NUDT7: variants seen among roughly 807,000 people sequenced by gnomAD.
NUDT7 encodes nudix hydrolase 7, also known as peroxisomal coenzyme A diphosphatase NUDT7.
In NUDT7, 19 loss-of-function variants were observed where a neutral mutation model predicts 13.1. That is an observed-to-expected ratio of 1.45 (90% confidence interval 1.01 to 2.13). The LOEUF is 2.13. Ranked by LOEUF, NUDT7 falls within the 30% of genes most tolerant of loss-of-function variation. NUDT7 has a pLI of 0.00. For synonymous variants in NUDT7, 132 were observed against 109.7 expected, an observed-to-expected ratio of 1.20 and a Z score of -1.27; for missense variants, 360 against 291.7, an observed-to-expected ratio of 1.23 and a Z score of -1.71.
intron 2 of NUDT7, among the ~76,000 whole-genome samples, chr16:77,734,833 G>A (rs1296061522): frequency 6.6e-6 from 1 of 152,114 alleles, no homozygotes. Context: ...AGAAAGCAGG[G>A]ACAGAGGGAG....
At chr16:77,737,609 C>T (rs1174312160) in intron 3 of NUDT7, among the ~76,000 whole-genome samples, 1 of 152,140 alleles carries the variant, frequency 6.6e-6, no homozygotes, top group African/African-American at 2.4e-5. Flanking sequence ...CCTCAGCCTC[C>T]CCAGTAGCTG....
Position 77,725,582 on chromosome 16 carries a change from A to G in NUDT7, c.187A>G (p.Lys63Glu). ...TTTGTTGTTCACCGTCCGGTCAGAG[A>G]AGGTAGGTGGACAAAAAATTTCCTG... ...LHLLFTVRSE[K>E]LRRAPGEVCF... The change falls in exon 2 of 4, where the codon AAG (lysine) becomes GAG (glutamate). Residue 63 changes from lysine (K) to glutamate (E), a missense_variant and splice_region_variant. Coordinates refer to ENST00000268533, the MANE Select transcript of NUDT7 (RefSeq NM_001105663.3). 6.2e-7 allele frequency: 1 copy of G among 1,613,410 alleles called. No individual in the cohort carries two copies. Among genetic ancestry groups the G allele is most frequent in the Non-Finnish European group, 8.5e-7 (1 of 1,179,782 alleles).
chr16:77,734,130 A>G (rs1490842399), intron 2 of NUDT7, among the ~76,000 whole-genome samples: 1 of 149,626 alleles, frequency 6.7e-6, no homozygotes, highest in Non-Finnish European at 1.5e-5. Flanking sequence ...ATAGATGCCA[A>G]CACAATGCTA....
chr16:77,741,025 T>G (rs1714565303), intron 3 of NUDT7, among the ~76,000 whole-genome samples: 1 of 152,232 alleles, frequency 6.6e-6, no homozygotes, highest in African/African-American at 2.4e-5. Context: ...ATAACTAGTA[T>G]TATATCACTT....
intron 2 of NUDT7, among the ~76,000 whole-genome samples, chr16:77,730,627 A>G (rs2014290340): frequency 6.6e-6 from 1 of 152,174 alleles, no homozygotes; most frequent in Non-Finnish European, 1.5e-5. Context: ...ATATATAACC[A>G]GTAGTGGGAT....
At chr16:77,731,849 G>GA (rs201815141) in intron 2 of NUDT7, among the ~76,000 whole-genome samples, 1,530 of 148,710 alleles carry the variant, frequency 0.01, 20 homozygotes, top group African/African-American at 0.034. Context: ...AGTTTAAAAA[G>GA]AAAAAAAAAT....
chr16:77,734,739 C>A (rs903212628), intron 2 of NUDT7, among the ~76,000 whole-genome samples: 1 of 152,000 alleles, frequency 6.6e-6, no homozygotes, highest in African/African-American at 2.4e-5. Context: ...TACCAATACA[C>A]GTAGAACATG....
chr16:77,742,005 C>T lies in NUDT7; in HGVS notation c.*55C>T, dbSNP rs2086381238. On this transcript the variant is annotated 3_prime_UTR_variant, in exon 4 of 4. Coordinates refer to ENST00000268533, the MANE Select transcript of NUDT7 (RefSeq NM_001105663.3). Reference sequence around the variant, plus strand: ...CACGAGGATTCTGTGTGTGCTTATTCGTAGAACAACAACAATGCCAGCTGT... The same window carrying T: ...CACGAGGATTCTGTGTGTGCTTATTTGTAGAACAACAACAATGCCAGCTGT... The T allele has an allele frequency of 6.6e-7, 1 of 1,507,782 alleles. No individual in the cohort carries two copies. 93.4% of individuals were successfully genotyped at this position (1,507,782 alleles called of 1,614,324 possible).
intron 2 of NUDT7, among the ~76,000 whole-genome samples, chr16:77,730,742 T>G (rs1047874474): frequency 6.6e-6 from 1 of 152,178 alleles, no homozygotes; most frequent in African/African-American, 2.4e-5. Flanking sequence ...TGTGTGATAG[T>G]TCCCTTTTTT....
At chr16:77,737,236 ATTGTATT>A (rs1365056850) in intron 3 of NUDT7, among the ~76,000 whole-genome samples, 1 of 152,066 alleles carries the variant, frequency 6.6e-6, no homozygotes, top group Non-Finnish European at 1.5e-5. Context: ...AAGATACCAT[ATTGTATT>A]TTGTGGTCAT....
Position 77,742,218 on chromosome 16 carries a change from T to A in NUDT7, c.*268T>A, listed in dbSNP as rs945514077. On this transcript the variant is annotated 3_prime_UTR_variant, in exon 4 of 4. Transcript: ENST00000268533. ...TCTTACACATATAATAAAGAATATC[T>A]GGCACATACTAGGCCCTTAATAAAG... is the stretch of plus-strand genomic sequence containing the variant. 33 of 891,728 alleles carry A rather than the reference T, an allele frequency of 3.7e-5. No homozygotes were observed. The highest frequency in any genetic ancestry group is 4.6e-5 in the Non-Finnish European group (32 of 699,138). The allele number at this position is 891,728 out of a possible 1,614,324, so 55.2% of individuals were successfully genotyped here.
intron 3 of NUDT7, among the ~76,000 whole-genome samples, chr16:77,737,051 T>C (rs74026811): frequency 2.1e-5 from 3 of 142,522 alleles, no homozygotes; most frequent in African/African-American, 9.2e-5. Context: ...GAAACTAGAC[T>C]ATAGGAAATT....
intron 3 of NUDT7, among the ~76,000 whole-genome samples, chr16:77,739,993 TC>T (rs2014608902): frequency 1.3e-5 from 2 of 152,186 alleles, no homozygotes; most frequent in Non-Finnish European, 2.9e-5. Flanking sequence ...CTTAACTGTT[TC>T]CCCTGGGAGC....
intron 2 of NUDT7, among the ~76,000 whole-genome samples, chr16:77,735,173 A>G (rs139464790): frequency 4.0e-4 from 61 of 152,104 alleles, no homozygotes; most frequent in African/African-American, 1.4e-3. Context: ...AGCAGTGTCA[A>G]TCTGTGTGTG....
intron 2 of NUDT7, among the ~76,000 whole-genome samples, chr16:77,732,995 GA>G (rs1277783905): frequency 2.0e-5 from 3 of 152,166 alleles, no homozygotes; most frequent in Non-Finnish European, 4.4e-5. Flanking sequence ...CAAGACAGTA[GA>G]AATATGTCCA....
At chr16:77,727,582 C>T (rs773007568) in intron 2 of NUDT7, among the ~76,000 whole-genome samples, 17 of 152,298 alleles carry the variant, frequency 1.1e-4, no homozygotes, top group South Asian at 8.3e-4. Flanking sequence ...TGGCCGTGTG[C>T]GGTGGCTCAC....
chr16:77,723,123 A>G (rs986473299), intron 1 of NUDT7, among the ~76,000 whole-genome samples: 3 of 144,980 alleles, frequency 2.1e-5, no homozygotes, highest in African/African-American at 8.0e-5. Flanking sequence ...TGCTGTTGAT[A>G]CCTTGGTGAT....
rs536181783 is a variant in NUDT7 at position 77,724,479 on chromosome 16, A to G, written c.36-952A>G. ...GTAGAGACAGGGTCTTACCATGTTGACCAGGCTGGTTTCAAACTCCTGGGC... is the reference window on the plus strand; with the variant it reads ...GTAGAGACAGGGTCTTACCATGTTGGCCAGGCTGGTTTCAAACTCCTGGGC... On this transcript the variant is annotated intron_variant, in intron 1 of 3. Transcript: ENST00000268533. 6.6e-4 allele frequency among the ~76,000 whole-genome samples: 99 copies of G among 150,170 alleles called. No individual in the cohort carries two copies. In the Middle Eastern group the frequency reaches 0.011, roughly 16 times the overall value.
chr16:77,725,744 T>C (rs2014115793), intron 2 of NUDT7, 160 bp downstream of exon 2: 1 of 617,044 alleles, frequency 1.6e-6, no homozygotes, highest in Admixed American at 3.2e-5. Flanking sequence ...TAACATGGTG[T>C]TTCTTGGAGA....
Sources: allele counts gnomAD v4.1 joint callset (sites outside exome capture counted in the v4.1 genomes callset), GRCh38; gene constraint gnomAD v4.1.1; transcripts MANE v1.5; gene names NCBI Gene and HGNC (gene_info 2026-07-23, HGNC 2026-07-21).